Variants in PARP1 observed in about 807,000 individuals in gnomAD.
PARP1 encodes poly(ADP-ribose) polymerase 1.
In PARP1, 44 loss-of-function variants were observed where a neutral mutation model predicts 118.7. The observed-to-expected ratio is 0.37, with a 90% CI of 0.29 to 0.48. The LOEUF is 0.48. Among genes scored for constraint, PARP1 ranks in the 20% least tolerant of loss-of-function variants. The pLI is 0.99. For missense variants in PARP1, 1,100 were observed against 1,272.4 expected (o/e 0.86, Z 2.06); for synonymous variants, 492 against 483.2 (o/e 1.02, Z -0.24).
Position 226,402,442 on chromosome 1 carries a change from AC to A in PARP1, c.121-64del, listed in dbSNP as rs1665057313. 30 of 1,465,170 alleles carry A rather than the reference AC, an allele frequency of 2.0e-5. No individual in the cohort carries two copies. In the South Asian group the frequency reaches 3.6e-4, roughly 18 times the overall value. 90.8% of individuals were successfully genotyped at this position (1,465,170 alleles called of 1,614,324 possible). On this transcript the variant is annotated intron_variant, in intron 1 of 22. Coordinates refer to ENST00000366794, the MANE Select transcript of PARP1 (RefSeq NM_001618.4). ...TTAACTTTTGACTTAGACCCACTAGACCTTGACCTTGACCTCGACCCCAGTC... is the reference window on the plus strand; with the variant it reads ...TTAACTTTTGACTTAGACCCACTAGACTTGACCTTGACCTCGACCCCAGTC...
At chr1:226,379,723 T>TGC in intron 10 of PARP1, 82 bp from the exon 11 acceptor site, 1 of 1,324,408 alleles carries the variant, frequency 7.6e-7, no homozygotes, top group Non-Finnish European at 1.1e-6. Flanking sequence ...AATGAGTTGT[T>TGC]CTCATTCCCA....
intron 2 of PARP1, chr1:226,392,861 AAAACTGG>A (rs1466244614): frequency 1.4e-5 from 21 of 1,481,658 alleles, no homozygotes; most frequent in Non-Finnish European, 1.4e-5. Flanking sequence ...ATTTGGGACA[AAAACTGG>A]ATTCTTCTCT....
At chr1:226,400,943 A>G (rs542578265) in intron 2 of PARP1, among the ~76,000 whole-genome samples, 2 of 152,336 alleles carry the variant, frequency 1.3e-5, no homozygotes, top group African/African-American at 4.8e-5. Flanking sequence ...AGCCATGGCC[A>G]GCTTGACAGC....
chr1:226,367,024 G>C (rs943223061), intron 17 of PARP1: 12 of 271,324 alleles, frequency 4.4e-5, no homozygotes, highest in Non-Finnish European at 8.5e-5. Context: ...CAGCACCAGA[G>C]AAAAATGAAC....
intron 19 of PARP1, 152 bp downstream of exon 19, chr1:226,364,850 G>GTAA: frequency 2.4e-6 from 2 of 850,054 alleles, no homozygotes; most frequent in South Asian, 3.1e-5. Context: ...ACCCCTGACA[G>GTAA]GGTTAGGGTC....
At chr1:226,364,695 G>A (rs986690284) in intron 19 of PARP1, among the ~76,000 whole-genome samples, 1 of 152,212 alleles carries the variant, frequency 6.6e-6, no homozygotes, top group Non-Finnish European at 1.5e-5. Context: ...AGGTGGCCCG[G>A]CTGGGAAGTG....
intron 1 of PARP1, 95 bp downstream of exon 1, chr1:226,407,715 G>T (rs1665180352): frequency 3.1e-6 from 4 of 1,297,640 alleles, no homozygotes; most frequent in African/African-American, 1.6e-5. Flanking sequence ...GCCCGGGCCC[G>T]CTCGCTCCCT....
intron 5 of PARP1, among the ~76,000 whole-genome samples, chr1:226,387,622 A>T (rs201967844): frequency 6.6e-6 from 1 of 152,188 alleles, no homozygotes; most frequent in East Asian, 1.9e-4. Flanking sequence ...GAGACATGAG[A>T]GGATGAGGAA....
intron 9 of PARP1, 63 bp from the exon 10 acceptor site, chr1:226,380,227 T>C (rs1341403612): frequency 2.7e-6 from 4 of 1,500,468 alleles, no homozygotes; most frequent in Non-Finnish European, 3.7e-6. Context: ...AAACTTCAAA[T>C]TACTACAGTT....
intron 22 of PARP1, 49 bp from the exon 23 acceptor site, chr1:226,361,590 G>C (rs1399701560): frequency 7.6e-7 from 1 of 1,311,454 alleles, no homozygotes; most frequent in African/African-American, 1.4e-5. Flanking sequence ...CAGAGGGTAT[G>C]TACATGTGCC....
chr1:226,365,780 A>AAAAC lies in PARP1; in HGVS notation c.2505+173_2505+174insGTTT, dbSNP rs1553294413. ...AGACTCCATGTCAAAAAAAAAAACA[A>AAAAC]AAAACAAACAAACAAAAAAAAAACT... On this transcript the variant is annotated intron_variant, in intron 18 of 22. Transcript: ENST00000366794. Among the ~76,000 whole-genome samples, 238 of 44,336 alleles carry AAAAC rather than the reference A, an allele frequency of 5.4e-3. 3 individuals carry two copies. The highest frequency in any genetic ancestry group is 7.4e-3 in the Non-Finnish European group (146 of 19,716). The allele number at this position is 44,336 out of a possible 152,430, so 29.1% of individuals were successfully genotyped here. A position where few individuals can be genotyped will look rare whatever the true frequency, so the allele number is the denominator to read the frequency against.
intron 1 of PARP1, among the ~76,000 whole-genome samples, chr1:226,407,009 G>C (rs1665162436): frequency 6.6e-6 from 1 of 152,136 alleles, no homozygotes; most frequent in African/African-American, 2.4e-5. Context: ...TTAATACAAA[G>C]GTAGACATCG....
chr1:226,390,367 C>T, intron 4 of PARP1, 43 bp downstream of exon 4: 3 of 1,562,052 alleles, frequency 1.9e-6, no homozygotes, highest in Non-Finnish European at 2.6e-6. Context: ...TCCCTTGAAC[C>T]CCTCACTGAA....
intron 14 of PARP1, among the ~76,000 whole-genome samples, chr1:226,371,845 A>C (rs528357260): frequency 6.8e-6 from 1 of 146,194 alleles, no homozygotes; most frequent in African/African-American, 2.5e-5. Context: ...CCCTAATTGT[A>C]CACCCCTCAA....
intron 5 of PARP1, 120 bp from the exon 6 acceptor site, chr1:226,386,562 C>A: frequency 1.3e-6 from 1 of 778,452 alleles, no homozygotes; most frequent in East Asian, 2.5e-5. Flanking sequence ...CGAGCTGCCC[C>A]TGCAAATCTG....
chr1:226,385,419 T>A, intron 7 of PARP1, 85 bp downstream of exon 7: 2 of 1,150,644 alleles, frequency 1.7e-6, no homozygotes, highest in Non-Finnish European at 2.6e-6. Context: ...CCCTGCAATC[T>A]CAGGGACCTG....
At chr1:226,388,287 T>C (rs1664752336) in intron 5 of PARP1, among the ~76,000 whole-genome samples, 1 of 152,244 alleles carries the variant, frequency 6.6e-6, no homozygotes, top group South Asian at 2.1e-4. Context: ...ATCCTCTAAG[T>C]ATTCAGTTTC....
intron 2 of PARP1, 110 bp downstream of exon 2, chr1:226,402,104 A>G: frequency 6.2e-7 from 1 of 1,600,698 alleles, no homozygotes; most frequent in South Asian, 1.1e-5. Context: ...TGATCTGCAC[A>G]TGTGGGAGAG....
chr1:226,361,600 C>T (rs1664140967), intron 22 of PARP1, 59 bp from the exon 23 acceptor site: 1 of 1,198,894 alleles, frequency 8.3e-7, no homozygotes. Context: ...GTACATGTGC[C>T]TCATCTCCCC....
Sources: gnomAD v4.1 joint callset for allele counts (sites outside exome capture counted in the v4.1 genomes callset) on GRCh38, gnomAD v4.1.1 for gene constraint, MANE v1.5 for transcripts, NCBI Gene and HGNC (gene_info 2026-07-23, HGNC 2026-07-21) for gene names.